Variants in SLC13A1 observed in about 807,000 individuals in gnomAD.
SLC13A1 encodes solute carrier family 13 member 1, also known as Na(+)/sulfate cotransporter.
SLC13A1 carries 65 observed loss-of-function variants against 70.0 expected under a neutral mutation model. The ratio of observed to expected loss-of-function variants is 0.93; its 90% confidence interval spans 0.76 to 1.14. SLC13A1 has a LOEUF of 1.14. SLC13A1 is among the 50% of genes most tolerant of loss of function. The probability of loss-of-function intolerance (pLI) is 0.00; values close to 1 mark genes in which losing one functional copy is unlikely to be tolerated. For synonymous variants in SLC13A1, 275 were observed against 250.5 expected (o/e 1.10, Z -0.92); for missense variants, 726 against 717.8 (o/e 1.01, Z -0.13).
intron 1 of SLC13A1, 126 bp downstream of exon 1, chr7:123,199,722 G>T: frequency 1.5e-6 from 1 of 656,732 alleles, no homozygotes; most frequent in Non-Finnish European, 2.6e-6. Flanking sequence ...CAACCATCCT[G>T]ACTTTAGGTA....
At chr7:123,199,782 C>A (rs1251181701) in intron 1 of SLC13A1, 66 bp downstream of exon 1, 19 of 1,213,116 alleles carry the variant, frequency 1.6e-5, no homozygotes, top group Admixed American at 3.6e-5. Context: ...AAACAGCAAA[C>A]AGTTTTAATA....
chr7:123,158,895 A>C (rs1794796451), intron 6 of SLC13A1, among the ~76,000 whole-genome samples: 1 of 152,138 alleles, frequency 6.6e-6, no homozygotes, highest in Non-Finnish European at 1.5e-5. Context: ...TGTGAATTTA[A>C]CACCAAAATC....
At chr7:123,167,314 G>C (rs192269206) in intron 6 of SLC13A1, among the ~76,000 whole-genome samples, 3 of 152,124 alleles carry the variant, frequency 2.0e-5, no homozygotes, top group Admixed American at 2.0e-4. Context: ...TATCTCTAAA[G>C]ATAATATCTT....
At chr7:123,134,607 G>A in intron 7 of SLC13A1, 78 bp from the exon 8 acceptor site, 1 of 1,374,162 alleles carries the variant, frequency 7.3e-7, no homozygotes, top group East Asian at 2.3e-5. Flanking sequence ...GGAAGCAGCA[G>A]TCCACCTCTT....
At chr7:123,182,978 A>G (rs1380301328) in intron 1 of SLC13A1, among the ~76,000 whole-genome samples, 1 of 152,076 alleles carries the variant, frequency 6.6e-6, no homozygotes, top group East Asian at 1.9e-4. Context: ...TCAATTTTCT[A>G]TATCCAAAGA....
intron 3 of SLC13A1, among the ~76,000 whole-genome samples, chr7:123,170,403 G>T (rs972345792): frequency 6.6e-6 from 1 of 152,192 alleles, no homozygotes; most frequent in African/African-American, 2.4e-5. Context: ...TATAAAAAAT[G>T]CCAGGATCAG....
intron 7 of SLC13A1, 44 bp from the exon 8 acceptor site, chr7:123,134,573 T>A (rs753330071): frequency 1.2e-5 from 19 of 1,585,234 alleles, no homozygotes; most frequent in Non-Finnish European, 1.5e-5. Context: ...GAGAGACAGG[T>A]GGAATCCTTT....
chr7:123,183,762 A>C (rs1795710668), intron 1 of SLC13A1, among the ~76,000 whole-genome samples: 1 of 152,108 alleles, frequency 6.6e-6, no homozygotes, highest in Non-Finnish European at 1.5e-5. Flanking sequence ...ACTGGGCTAC[A>C]TCCTTTTCCA....
intron 14 of SLC13A1, among the ~76,000 whole-genome samples, chr7:123,116,154 G>C (rs368262151): frequency 6.6e-6 from 1 of 151,984 alleles, no homozygotes; most frequent in Non-Finnish European, 1.5e-5. Context: ...TTTAACCTTC[G>C]ATATTTTCTT....
chr7:123,143,741 T>G (rs1349047359), intron 7 of SLC13A1, among the ~76,000 whole-genome samples: 1 of 152,148 alleles, frequency 6.6e-6, no homozygotes, highest in Non-Finnish European at 1.5e-5. Context: ...TGTATGTAGA[T>G]AGATGTTAAA....
At chr7:123,186,178 A>G (rs751269760) in intron 1 of SLC13A1, among the ~76,000 whole-genome samples, 2 of 152,082 alleles carry the variant, frequency 1.3e-5, no homozygotes, top group Non-Finnish European at 2.9e-5. Context: ...TCTGTGAATA[A>G]TCTTGCTAAG....
chr7:123,134,386 T>A, intron 8 of SLC13A1, 24 bp downstream of exon 8: 1 of 1,609,036 alleles, frequency 6.2e-7, no homozygotes, highest in Non-Finnish European at 8.5e-7. Flanking sequence ...TTATTTAGCC[T>A]ATTAACATGA....
chr7:123,182,486 C>T (rs552747437), intron 1 of SLC13A1, among the ~76,000 whole-genome samples: 1 of 152,276 alleles, frequency 6.6e-6, no homozygotes, highest in South Asian at 2.1e-4. Context: ...ACTTCCTCCA[C>T]TGCAGGCAAG....
At chr7:123,194,842 G>C (rs918319625) in intron 1 of SLC13A1, among the ~76,000 whole-genome samples, 8 of 152,208 alleles carry the variant, frequency 5.3e-5, no homozygotes, top group African/African-American at 1.4e-4. Flanking sequence ...AAAACAGAAG[G>C]AGCAGCAGGT....
chr7:123,168,796 C>G (rs1225890096), intron 4 of SLC13A1, among the ~76,000 whole-genome samples: 1 of 152,016 alleles, frequency 6.6e-6, no homozygotes, highest in African/African-American at 2.4e-5. Flanking sequence ...GATGCTGTAT[C>G]CAAATAGAAT....
intron 7 of SLC13A1, among the ~76,000 whole-genome samples, chr7:123,140,475 T>C (rs776362213): frequency 6.6e-6 from 1 of 152,028 alleles, no homozygotes; most frequent in Admixed American, 6.6e-5. Flanking sequence ...CCTCCTATAT[T>C]TTTGGAATAG....
rs184519351 is a variant in SLC13A1 at position 123,167,682 on chromosome 7, A to G, written c.660+692T>C. On this transcript the variant is annotated intron_variant, in intron 6 of 14. Coordinates refer to ENST00000194130, the MANE Select transcript of SLC13A1 (RefSeq NM_022444.4). ...AAATGAATTCTATGGGATAGTTTAC[A>G]GAGATCTCCTTCCCTCTTTTAATAT... Among the ~76,000 whole-genome samples the G allele has an allele frequency of 3.6e-3, 549 of 152,236 alleles. 3 individuals carry two copies. Among genetic ancestry groups the G allele is most frequent in the Non-Finnish European group, 6.4e-3 (433 of 68,016 alleles).
intron 6 of SLC13A1, among the ~76,000 whole-genome samples, chr7:123,149,892 C>T (rs575603607): frequency 6.6e-6 from 1 of 152,244 alleles, no homozygotes; most frequent in Admixed American, 6.5e-5. Context: ...CCATGGTACA[C>T]CATTTCAATA....
rs539848249 is a variant in SLC13A1, at chr7:123,185,776, C to T, written c.100-4675G>A. Among the ~76,000 whole-genome samples the T allele has an allele frequency of 5.9e-5, 9 of 152,038 alleles. No individual in the cohort carries two copies. In the East Asian group the frequency reaches 1.7e-3, roughly 29 times the overall value. ...TCTAACTATTTGGGGTCTTTTGTTT[C>T]AATACAAATTTTAGGATCGTTTGAG... On this transcript the variant is annotated intron_variant, in intron 1 of 14. Transcript: ENST00000194130.
Sources: allele counts gnomAD v4.1 joint callset (sites outside exome capture counted in the v4.1 genomes callset), GRCh38; gene constraint gnomAD v4.1.1; transcripts MANE v1.5; gene names NCBI Gene and HGNC (gene_info 2026-07-23, HGNC 2026-07-21).